The following ARHGAP21 variants were observed in gnomAD, a reference collection of about 807,000 sequenced individuals.
ARHGAP21 encodes the protein Rho GTPase activating protein 21.
A neutral mutation model predicts 164.6 loss-of-function variants in ARHGAP21; 38 were observed. That is an observed-to-expected ratio of 0.23 (90% CI 0.18 to 0.30). The LOEUF is 0.30. ARHGAP21 is among the 10% of genes least tolerant of loss of function. The pLI, the probability that ARHGAP21 is intolerant of heterozygous loss-of-function variation, is 1.00. For missense variants in ARHGAP21, 1,822 were observed against 2,370.7 expected (o/e 0.77, Z 4.81); for synonymous variants, 766 against 857.9 (o/e 0.89, Z 1.87).
At chr10:24,626,704 A>G (rs1208340929) in intron 7 of ARHGAP21, among the ~76,000 whole-genome samples, 1 of 152,234 alleles carries the variant, frequency 6.6e-6, no homozygotes, top group East Asian at 1.9e-4. Context: ...TCATGCATAG[A>G]TAACATTTAA....
At chr10:24,673,153 C>A (rs1361063749) in intron 2 of ARHGAP21, among the ~76,000 whole-genome samples, 1 of 152,180 alleles carries the variant, frequency 6.6e-6, no homozygotes, top group Non-Finnish European at 1.5e-5. Flanking sequence ...CAATCCCAAT[C>A]AAAATCTCAG....
At chr10:24,670,190 T>C in intron 3 of ARHGAP21, 28 bp downstream of exon 3, 1 of 1,507,910 alleles carries the variant, frequency 6.6e-7, no homozygotes, top group Non-Finnish European at 8.9e-7. Context: ...TGGTTTTTTT[T>C]TCAAGTTGCG....
At chr10:24,692,503 C>A (rs1842832271) in intron 2 of ARHGAP21, among the ~76,000 whole-genome samples, 2 of 152,122 alleles carry the variant, frequency 1.3e-5, no homozygotes, top group South Asian at 4.1e-4. Flanking sequence ...ACAGTAACAG[C>A]CAAAAGTTGG....
At chr10:24,696,541 T>C (rs2132071298) in intron 2 of ARHGAP21, among the ~76,000 whole-genome samples, 1 of 152,250 alleles carries the variant, frequency 6.6e-6, no homozygotes, top group South Asian at 2.1e-4. Flanking sequence ...TCTGAGAATG[T>C]TAACTCGAGG....
rs535710372 is a variant in ARHGAP21, at chr10:24,592,132, A to T, written c.3877-120T>A. On this transcript the variant is annotated intron_variant, in intron 21 of 25. Transcript: ENST00000396432. ...CAGAAAAATAGCTTTGATGTAGATT[A>T]AAAAAATAATGCTTTCTAGCAAGAT... is the stretch of plus-strand genomic sequence containing the variant. The T allele has an allele frequency of 4.9e-5, 45 of 917,876 alleles. 1 individual carries two copies. In the South Asian group the frequency reaches 1.1e-3, roughly 23 times the overall value. 56.9% of individuals were successfully genotyped at this position (917,876 alleles called of 1,614,324 possible).
chr10:24,707,344 G>C (rs1010343682), intron 2 of ARHGAP21, among the ~76,000 whole-genome samples: 1 of 152,172 alleles, frequency 6.6e-6, no homozygotes, highest in African/African-American at 2.4e-5. Context: ...GTGTCTAACA[G>C]ATATCTAATA....
intron 25 of ARHGAP21, among the ~76,000 whole-genome samples, chr10:24,589,065 G>A (rs781125178): frequency 2.0e-5 from 3 of 151,984 alleles, no homozygotes; most frequent in Non-Finnish European, 4.4e-5. Flanking sequence ...TGCACAATGA[G>A]AAGAATATGA....
chr10:24,713,623 CAA>C (rs1320340903), intron 2 of ARHGAP21, among the ~76,000 whole-genome samples: 5 of 151,108 alleles, frequency 3.3e-5, no homozygotes, highest in Non-Finnish European at 5.9e-5. Flanking sequence ...TCCATCACAT[CAA>C]GTTTCTTTTT....
chr10:24,699,834 T>C (rs978986100), intron 2 of ARHGAP21, among the ~76,000 whole-genome samples: 1 of 152,198 alleles, frequency 6.6e-6, no homozygotes, highest in African/African-American at 2.4e-5. Flanking sequence ...ATTCATAGCA[T>C]CTCTGTAGAG....
chr10:24,643,536 C>T (rs779804176), intron 4 of ARHGAP21, among the ~76,000 whole-genome samples: 15 of 152,172 alleles, frequency 9.9e-5, no homozygotes, highest in Non-Finnish European at 1.6e-4. Flanking sequence ...ATGCTCACTT[C>T]GGCAACATAT....
In ARHGAP21 at chr10:24,723,673, CCCGCCGCCG is replaced by C. The variant is rs558378115; in HGVS notation, c.-501_-493del. The C allele has an allele frequency of 3.0e-3, 445 of 147,766 alleles. 2 individuals carry two copies. Among genetic ancestry groups the C allele is most frequent in the African/African-American group, 9.2e-3 (373 of 40,504 alleles). The allele number at this position is 147,766 out of a possible 1,614,324, so 9.2% of individuals were successfully genotyped here. ...CCCGCAGCCGGACGATCCCGCGCTG[CCCGCCGCCG>C]CCGCCGCCGCCGCCGCCGCGCTCCG... On this transcript the variant is annotated 5_prime_UTR_variant, in exon 1 of 26. Transcript: ENST00000396432.
chr10:24,628,982 ATT>A (rs1166249007), intron 7 of ARHGAP21: 11 of 11,616 alleles, frequency 9.5e-4, no homozygotes, highest in East Asian at 2.8e-3. Flanking sequence ...ATATATATAT[ATT>A]TTTTTTTTTT....
intron 24 of ARHGAP21, chr10:24,590,578 A>AAAC: frequency 6.8e-7 from 1 of 1,464,696 alleles, no homozygotes; most frequent in Non-Finnish European, 9.0e-7. Flanking sequence ...ACATTGTGTA[A>AAAC]AACAACATGC....
chr10:24,668,396 G>A (rs1044255106), intron 3 of ARHGAP21, among the ~76,000 whole-genome samples: 10 of 152,266 alleles, frequency 6.6e-5, no homozygotes, highest in African/African-American at 9.6e-5. Context: ...GTGCCTGTTC[G>A]ATTCACAGGT....
In ARHGAP21 at chr10:24,620,712, A is replaced by T; in HGVS notation, c.1183T>A (p.Tyr395Asn). The part of the protein sequence containing the change: ...DWKNYKTYKE[Y>N]IDNRRLHIGC... ...ATGTGCAATCGTCTGTTATCAATAT[A>T]CTCTTTGTAAGTTTTATAGTTTTTC... is the stretch of plus-strand genomic sequence containing the variant. Residue 395 changes from tyrosine to asparagine, a missense_variant, in exon 9 of 26, where the codon TAT becomes AAT. This residue lies in a region of ARHGAP21 where 1,090 missense variants were observed against 1,378.9 expected (regional missense o/e 0.79). Coordinates refer to ENST00000396432, the MANE Select transcript of ARHGAP21 (RefSeq NM_020824.4). 6.2e-7 allele frequency: 1 copy of T among 1,613,940 alleles called. No individual in the cohort carries two copies. The highest frequency in any genetic ancestry group is 8.5e-7 in the Non-Finnish European group (1 of 1,179,986).
At chr10:24,715,283 ACTGTT>A (rs778706711) in intron 2 of ARHGAP21, among the ~76,000 whole-genome samples, 24 of 152,188 alleles carry the variant, frequency 1.6e-4, no homozygotes, top group Non-Finnish European at 3.4e-4. Flanking sequence ...AGAATAAACA[ACTGTT>A]AACATTTCAT....
rs950726159 is a variant in ARHGAP21 at position 24,633,531 on chromosome 10, T to G, written c.362-51A>C. 1.1e-5 allele frequency: 13 copies of G among 1,189,232 alleles called. 1 individual carries two copies. The highest frequency in any genetic ancestry group is 5.7e-5 in the Admixed American group (3 of 52,980). 73.7% of individuals were successfully genotyped at this position (1,189,232 alleles called of 1,614,324 possible). A position where few individuals can be genotyped will look rare whatever the true frequency, so the allele number is the denominator to read the frequency against. On this transcript the variant is annotated intron_variant, in intron 5 of 25. Coordinates refer to ENST00000396432, the MANE Select transcript of ARHGAP21 (RefSeq NM_020824.4). ...TGAGAGATCCTGCAGAAAGTCACTT[T>G]TGAACACTTTTGAAATATTTCTTGA...
chr10:24,685,058 T>C (rs562819055), intron 2 of ARHGAP21, among the ~76,000 whole-genome samples: 187 of 152,174 alleles, frequency 1.2e-3, no homozygotes, highest in Non-Finnish European at 2.4e-3. Context: ...AATCAATATA[T>C]TTAAAATTGG....
chr10:24,660,812 T>C (rs1248521233), intron 4 of ARHGAP21, among the ~76,000 whole-genome samples: 3 of 152,190 alleles, frequency 2.0e-5, no homozygotes, highest in African/African-American at 7.2e-5. Flanking sequence ...GGTGCAGCGA[T>C]TGTGAAGAAA....
Sources: allele counts gnomAD v4.1 joint callset (sites outside exome capture counted in the v4.1 genomes callset), GRCh38; gene constraint gnomAD v4.1.1; regional missense constraint gnomAD v4.1.1; transcripts MANE v1.5; gene names NCBI Gene and HGNC (gene_info 2026-07-23, HGNC 2026-07-21).